TMEM132B: variants seen among roughly 807,000 people sequenced by gnomAD.
TMEM132B encodes the protein transmembrane protein 132B.
Under a neutral mutation model 90.8 loss-of-function variants are expected in TMEM132B, and 18 were observed. The observed-to-expected ratio is 0.20, with a 90% CI of 0.14 to 0.29. The LOEUF (loss-of-function observed/expected upper bound fraction) is 0.29, where lower values mean the gene tolerates loss of function less well. Among genes scored for constraint, TMEM132B ranks in the 10% least tolerant of loss-of-function variants. The pLI, the probability that TMEM132B is intolerant of heterozygous loss-of-function variation, is 1.00. For missense variants in TMEM132B, 1,096 were observed against 1,326.8 expected (o/e 0.83, Z 2.70); for synonymous variants, 504 against 523.3 (o/e 0.96, Z 0.50).
At chr12:125,574,166 GT>G (rs144941636) in intron 4 of TMEM132B, among the ~76,000 whole-genome samples, 1,518 of 145,874 alleles carry the variant, frequency 0.01, 26 homozygotes, top group African/African-American at 0.035. Flanking sequence ...TGAGCAGTCA[GT>G]TTTTTTTTTT....
chr12:125,378,866 T>C (rs935430104), intron 2 of TMEM132B, among the ~76,000 whole-genome samples: 3 of 152,226 alleles, frequency 2.0e-5, no homozygotes, highest in Non-Finnish European at 2.9e-5. Flanking sequence ...CTTTAATGTC[T>C]CTGAGCCTCA....
intron 4 of TMEM132B, among the ~76,000 whole-genome samples, chr12:125,583,241 A>G (rs1885094930): frequency 6.6e-6 from 1 of 152,172 alleles, no homozygotes; most frequent in Admixed American, 6.5e-5. Context: ...GAGGGGATCA[A>G]TCAACAGAAG....
chr12:125,353,991 G>C (rs1190738880), intron 2 of TMEM132B, among the ~76,000 whole-genome samples: 1 of 152,162 alleles, frequency 6.6e-6, no homozygotes, highest in East Asian at 1.9e-4. Flanking sequence ...TGAACTGTCA[G>C]CCTCCTGGAA....
intron 1 of TMEM132B, among the ~76,000 whole-genome samples, chr12:125,330,569 A>AT (rs1199123721): frequency 3.3e-5 from 5 of 152,224 alleles, no homozygotes; most frequent in African/African-American, 9.6e-5. Context: ...ATAAACTATC[A>AT]TTTTTTACTG....
At chr12:125,446,988 T>C (rs1205191881) in intron 3 of TMEM132B, among the ~76,000 whole-genome samples, 1 of 152,260 alleles carries the variant, frequency 6.6e-6, no homozygotes, top group African/African-American at 2.4e-5. Flanking sequence ...TCTATATCTG[T>C]GCTTTTTGTC....
intron 4 of TMEM132B, among the ~76,000 whole-genome samples, chr12:125,574,215 CT>C (rs1254080124): frequency 1.1e-4 from 16 of 151,044 alleles, no homozygotes; most frequent in African/African-American, 3.9e-4. Context: ...CTACATTCTT[CT>C]CTGTAAAGTG....
intron 4 of TMEM132B, among the ~76,000 whole-genome samples, chr12:125,523,856 C>T (rs1039313100): frequency 5.9e-5 from 9 of 152,214 alleles, no homozygotes; most frequent in East Asian, 3.8e-4. Context: ...CTCTCCTCAT[C>T]GGGGATGCAC....
chr12:125,421,834 A>C (rs1880176266), intron 3 of TMEM132B, among the ~76,000 whole-genome samples: 1 of 152,258 alleles, frequency 6.6e-6, no homozygotes. Context: ...TGGATTTGTG[A>C]AACATGAACT....
At position 125,209,872 on chromosome 12, in the gene TMEM132B, G is replaced by A. The variant is rs541862792; in HGVS notation, c.67+23006G>A. 6.6e-6 allele frequency among the ~76,000 whole-genome samples: 1 copy of A among 152,312 alleles called. No individual in the cohort carries two copies. Among genetic ancestry groups the A allele is most frequent in the African/African-American group, 2.4e-5 (1 of 41,568 alleles). ...TTCTCCTTCACTGGAGATAAATACT[G>A]TTAGATGGCCAGAGTGTCTTCCTCG... On this transcript the variant is annotated intron_variant, in intron 1 of 8. Transcript: ENST00000682704. This position sits in a 1 kb window ranked among gnomAD's most constrained non-coding sequence, Gnocchi z 4.4.
intron 1 of TMEM132B, among the ~76,000 whole-genome samples, chr12:125,250,462 G>A (rs1874293153): frequency 6.6e-6 from 1 of 152,172 alleles, no homozygotes; most frequent in African/African-American, 2.4e-5. Flanking sequence ...TGGCCCTGCT[G>A]ACCTTTCACC....
At chr12:125,239,471 A>C (rs1303056228) in intron 1 of TMEM132B, among the ~76,000 whole-genome samples, 1 of 152,096 alleles carries the variant, frequency 6.6e-6, no homozygotes, top group Non-Finnish European at 1.5e-5. Flanking sequence ...GAACTTAGGG[A>C]GTTCCACTGG....
intron 3 of TMEM132B, among the ~76,000 whole-genome samples, chr12:125,419,708 A>G (rs1880119101): frequency 6.6e-6 from 1 of 152,070 alleles, no homozygotes; most frequent in African/African-American, 2.4e-5. Flanking sequence ...CAAAGTCTTA[A>G]CTCACTTCAG....
In TMEM132B at chr12:125,605,979, T is replaced by A. The variant is rs948996920; in HGVS notation, c.1437+21985T>A. Among the ~76,000 whole-genome samples, 10 of 152,322 alleles carry A rather than the reference T, an allele frequency of 6.6e-5. No homozygotes were observed. In the East Asian group the frequency reaches 1.9e-3, roughly 29 times the overall value. On this transcript the variant is annotated intron_variant, in intron 5 of 8. Coordinates refer to ENST00000682704, the MANE Select transcript of TMEM132B (RefSeq NM_001366854.1). ...AACAAGAGGGTAAAAATGATGGCAG[T>A]ATTTTGGTGGAAATGGATAACGTGT...
chr12:125,390,188 A>G (rs1163971428), intron 2 of TMEM132B, among the ~76,000 whole-genome samples: 1 of 152,228 alleles, frequency 6.6e-6, no homozygotes, highest in Non-Finnish European at 1.5e-5. Flanking sequence ...CACACACAAG[A>G]ATGCTTATAG....
intron 2 of TMEM132B, among the ~76,000 whole-genome samples, chr12:125,358,324 A>G (rs764457285): frequency 5.3e-5 from 8 of 152,088 alleles, no homozygotes; most frequent in Non-Finnish European, 7.4e-5. Context: ...TAAAACTTCT[A>G]TTTCCCTTAA....
intron 1 of TMEM132B, among the ~76,000 whole-genome samples, chr12:125,204,072 A>G (rs1300800304): frequency 6.6e-6 from 1 of 152,244 alleles, no homozygotes; most frequent in African/African-American, 2.4e-5. Context: ...AAATGGCAGT[A>G]ATCATTATCA....
chr12:125,414,689 A>G (rs1201870232), intron 2 of TMEM132B, among the ~76,000 whole-genome samples: 1 of 152,166 alleles, frequency 6.6e-6, no homozygotes, highest in African/African-American at 2.4e-5. Context: ...CAGTTAAGAC[A>G]TAGTAAGCAG....
chr12:125,354,673 G>T (rs141804246), intron 2 of TMEM132B, among the ~76,000 whole-genome samples: 1 of 152,222 alleles, frequency 6.6e-6, no homozygotes, highest in African/African-American at 2.4e-5. Flanking sequence ...TGACCAGTGG[G>T]TGCATCACAG....
chr12:125,609,876 A>G (rs1051621421), intron 5 of TMEM132B, among the ~76,000 whole-genome samples: 4 of 140,970 alleles, frequency 2.8e-5, no homozygotes, highest in African/African-American at 1.0e-4. Flanking sequence ...TTTGATTCTG[A>G]GGTGTATTTT....
Sources: allele counts gnomAD v4.1 joint callset (sites outside exome capture counted in the v4.1 genomes callset), GRCh38; gene constraint gnomAD v4.1.1; non-coding constraint Gnocchi (gnomAD v3.1); transcripts MANE v1.5; gene names NCBI Gene and HGNC (gene_info 2026-07-23, HGNC 2026-07-21).